The following DEPTOR variants were observed in gnomAD, a reference collection of about 807,000 sequenced individuals.
The protein encoded by DEPTOR is DEP domain containing MTOR interacting protein, also known as DEP domain-containing mTOR-interacting protein.
In DEPTOR, 41 loss-of-function variants were observed where a neutral mutation model predicts 41.6. That is an observed-to-expected ratio of 0.98 (90% CI 0.77 to 1.28). The LOEUF is 1.28. DEPTOR is among the 50% of genes most tolerant of loss of function. DEPTOR has a pLI of 0.00. For synonymous variants in DEPTOR, 195 were observed against 192.3 expected (o/e 1.01, Z -0.12); for missense variants, 514 against 527.9 (o/e 0.97, Z 0.26).
intron 6 of DEPTOR, among the ~76,000 whole-genome samples, chr8:120,006,080 C>A (rs1015944344): frequency 6.6e-6 from 1 of 152,110 alleles, no homozygotes; most frequent in Non-Finnish European, 1.5e-5. Context: ...ATGGGGATAA[C>A]AATGATCCTA....
intron 8 of DEPTOR, among the ~76,000 whole-genome samples, chr8:120,043,079 C>CTTT (rs144907492): frequency 2.0e-4 from 30 of 150,416 alleles, no homozygotes; most frequent in Middle Eastern, 3.4e-3. Context: ...TAGAACTCTT[C>CTTT]TTTTTTTTTA....
At chr8:119,943,724 C>A (rs1268366699) in intron 3 of DEPTOR, among the ~76,000 whole-genome samples, 1 of 152,294 alleles carries the variant, frequency 6.6e-6, no homozygotes, top group Non-Finnish European at 1.5e-5. Flanking sequence ...TTAATGACCA[C>A]CCCACCCCGT....
chr8:119,981,652 C>CAAAAAAAA (rs33975978), intron 4 of DEPTOR, among the ~76,000 whole-genome samples: 1 of 136,876 alleles, frequency 7.3e-6, no homozygotes, highest in Non-Finnish European at 1.5e-5. Flanking sequence ...GACCCTATCT[C>CAAAAAAAA]AAAAAAAAAA....
At chr8:120,031,430 A>T (rs1236805641) in intron 8 of DEPTOR, among the ~76,000 whole-genome samples, 1 of 152,060 alleles carries the variant, frequency 6.6e-6, no homozygotes, top group Non-Finnish European at 1.5e-5. Context: ...GCGCCACTGC[A>T]CTCCAGCCTG....
chr8:119,955,623 C>T (rs774030754), intron 3 of DEPTOR, among the ~76,000 whole-genome samples: 1 of 152,074 alleles, frequency 6.6e-6, no homozygotes, highest in East Asian at 1.9e-4. Context: ...TGTGCCACCA[C>T]GCCCAGCTAA....
intron 8 of DEPTOR, among the ~76,000 whole-genome samples, chr8:120,021,678 T>C (rs1812718102): frequency 1.3e-5 from 2 of 152,188 alleles, no homozygotes; most frequent in African/African-American, 2.4e-5. Context: ...CAATTCTTTC[T>C]AGTCTTAGAA....
chr8:119,884,160 C>A (rs376868699), intron 1 of DEPTOR, among the ~76,000 whole-genome samples: 1 of 152,156 alleles, frequency 6.6e-6, no homozygotes, highest in Non-Finnish European at 1.5e-5. Flanking sequence ...CAGGTTCAAG[C>A]GATTCTCCTG....
chr8:119,916,759 C>A (rs764592407), intron 1 of DEPTOR, among the ~76,000 whole-genome samples: 1 of 152,186 alleles, frequency 6.6e-6, no homozygotes, highest in Admixed American at 6.5e-5. Context: ...AAGAGTGCAT[C>A]TGGTTGTAGA....
chr8:119,984,564 C>T (rs1445724960), intron 4 of DEPTOR, among the ~76,000 whole-genome samples: 1 of 152,098 alleles, frequency 6.6e-6, no homozygotes, highest in Non-Finnish European at 1.5e-5. Flanking sequence ...TGATGGTTTC[C>T]AGCTTCATCC....
Position 119,929,795 on chromosome 8 carries a change from C to T in DEPTOR, c.302-20C>T, listed in dbSNP as rs185811817. The T allele has an allele frequency of 6.3e-7, 1 of 1,577,998 alleles. No individual in the cohort carries two copies. The highest frequency in any genetic ancestry group is 2.3e-5 in the East Asian group (1 of 44,064). ...GCGATTTTTTTTCTCATTTGCTTCT[C>T]TGTGCATATTGTGTTTCAGTGTGTG... On this transcript the variant is annotated intron_variant, in intron 2 of 8. Transcript: ENST00000286234.
At chr8:119,897,153 A>C (rs2129735425) in intron 1 of DEPTOR, among the ~76,000 whole-genome samples, 1 of 152,280 alleles carries the variant, frequency 6.6e-6, no homozygotes, top group East Asian at 1.9e-4. Context: ...TATGACATGA[A>C]ACTCTAGAAA....
chr8:119,994,950 A>G (rs1482032143), intron 4 of DEPTOR, among the ~76,000 whole-genome samples: 3 of 151,816 alleles, frequency 2.0e-5, no homozygotes, highest in Non-Finnish European at 2.9e-5. Flanking sequence ...AAAAGAAAAA[A>G]AAAAGAAGAA....
chr8:119,944,923 G>A (rs1458934042), intron 3 of DEPTOR, among the ~76,000 whole-genome samples: 3 of 151,696 alleles, frequency 2.0e-5, no homozygotes, highest in African/African-American at 7.3e-5. Context: ...CAAAGTGCTG[G>A]GATTACAGGC....
At chr8:119,926,885 T>A (rs1034527) in intron 1 of DEPTOR, among the ~76,000 whole-genome samples, 1 of 151,984 alleles carries the variant, frequency 6.6e-6, no homozygotes, top group Non-Finnish European at 1.5e-5. Context: ...TATTTAGCAC[T>A]CAGCCAAAGA....
At chr8:120,047,126 C>A (rs182956764) in intron 8 of DEPTOR, among the ~76,000 whole-genome samples, 4 of 151,994 alleles carry the variant, frequency 2.6e-5, no homozygotes, top group African/African-American at 9.7e-5. Flanking sequence ...CAGGTTCAAG[C>A]AATTCTCCTG....
chr8:119,923,535 C>G, intron 1 of DEPTOR, among the ~76,000 whole-genome samples: 1 of 152,112 alleles, frequency 6.6e-6, no homozygotes, highest in African/African-American at 2.4e-5. Flanking sequence ...AGCCACCATG[C>G]CCAGCCTATC....
chr8:120,039,631 T>G (rs916330194), intron 8 of DEPTOR, among the ~76,000 whole-genome samples: 3 of 152,332 alleles, frequency 2.0e-5, no homozygotes, highest in Non-Finnish European at 4.4e-5. Flanking sequence ...TTTGTTGCTC[T>G]GCTTCAGTCT....
chr8:119,980,468 CTTTTCTTTTCT>C (rs1486057948), intron 4 of DEPTOR, among the ~76,000 whole-genome samples: 1 of 67,494 alleles, frequency 1.5e-5, no homozygotes, highest in Non-Finnish European at 3.2e-5. Flanking sequence ...CTTTTCTTTT[CTTTTCTTTTCT>C]TTTCTTTTCT....
At chr8:119,983,294 A>AGGCT (rs1277104434) in intron 4 of DEPTOR, among the ~76,000 whole-genome samples, 1 of 150,424 alleles carries the variant, frequency 6.6e-6, no homozygotes, top group East Asian at 2.0e-4. Context: ...TGTGTCTCCC[A>AGGCT]GGCTGGAGTG....
Sources: allele counts gnomAD v4.1 joint callset (sites outside exome capture counted in the v4.1 genomes callset), GRCh38; gene constraint gnomAD v4.1.1; transcripts MANE v1.5; gene names NCBI Gene and HGNC (gene_info 2026-07-23, HGNC 2026-07-21).